PEX2: variants seen among roughly 807,000 people sequenced by gnomAD.
PEX2 encodes peroxisomal biogenesis factor 2, also known as peroxisome biogenesis factor 2.
PEX2 carries 19 observed loss-of-function variants against 25.2 expected under a neutral mutation model. The ratio of observed to expected loss-of-function variants is 0.75; its 90% CI spans 0.53 to 1.10. The LOEUF (loss-of-function observed/expected upper bound fraction) is 1.10, where lower values mean the gene tolerates loss of function less well. Ranked by LOEUF, PEX2 falls within the 50% of genes least tolerant of loss-of-function variation. The pLI is 0.00. For synonymous variants in PEX2, 141 were observed against 127.7 expected (o/e 1.10, Z -0.70); for missense variants, 347 against 350.6 (o/e 0.99, Z 0.08).
chr8:76,987,930 A>G (rs1160183123), intron 2 of PEX2: 5 of 152,240 alleles, frequency 3.3e-5, no homozygotes, highest in Admixed American at 6.5e-5. Context: ...GGAAAAGTTC[A>G]GTAGGCAGTT....
chr8:76,981,100 A>G lies in PEX2; in HGVS notation c.*2161T>C, dbSNP rs1184283686. On this transcript the variant is annotated 3_prime_UTR_variant, in exon 4 of 4. Transcript: ENST00000357039. ...TTGCATTATTCACAACAGAAAGTGAAAAGAACCTAAATGCTCTATGATGGT... is the reference window on the plus strand; with the variant it reads ...TTGCATTATTCACAACAGAAAGTGAGAAGAACCTAAATGCTCTATGATGGT... 1.3e-5 allele frequency: 2 copies of G among 152,262 alleles called. No homozygotes were observed. Among genetic ancestry groups the G allele is most frequent in the African/African-American group, 4.8e-5 (2 of 41,468 alleles). The allele number at this position is 152,262 out of a possible 1,614,324, so 9.4% of individuals were successfully genotyped here.
chr8:76,999,454 A>C (rs1807430136), intron 1 of PEX2, among the ~76,000 whole-genome samples: 1 of 152,256 alleles, frequency 6.6e-6, no homozygotes, highest in Non-Finnish European at 1.5e-5. Context: ...GTGAAATATA[A>C]CTAATTTATC....
chr8:76,999,956 G>C (rs1346901269), intron 1 of PEX2, 34 bp downstream of exon 1: 4 of 456,514 alleles, frequency 8.8e-6, no homozygotes, highest in Non-Finnish European at 1.8e-5. Flanking sequence ...AAGACCTCGG[G>C]TTTGCACTCC....
intron 1 of PEX2, among the ~76,000 whole-genome samples, chr8:76,999,212 A>G (rs1239523594): frequency 1.3e-5 from 2 of 152,152 alleles, no homozygotes; most frequent in South Asian, 2.1e-4. Flanking sequence ...GTATCATTTA[A>G]TTGTCCGAAA....
intron 1 of PEX2, among the ~76,000 whole-genome samples, chr8:76,990,022 C>A (rs1001716526): frequency 2.0e-5 from 3 of 152,214 alleles, no homozygotes; most frequent in African/African-American, 7.2e-5. Flanking sequence ...AATATATTGT[C>A]TAGCGTAGTC....
At chr8:76,997,912 G>A (rs1457852307) in intron 1 of PEX2, among the ~76,000 whole-genome samples, 1 of 152,170 alleles carries the variant, frequency 6.6e-6, no homozygotes, top group Non-Finnish European at 1.5e-5. Flanking sequence ...ATTACAGACA[G>A]GGCAAATGGA....
rs1451476359 is a variant in PEX2, at chr8:76,981,234, GC to G, written c.*2026del. The G allele has an allele frequency of 7.9e-5, 12 of 152,272 alleles. No homozygotes were observed. Among genetic ancestry groups the G allele is most frequent in the African/African-American group, 2.9e-4 (12 of 41,446 alleles). The allele number at this position is 152,272 out of a possible 1,614,324, so 9.4% of individuals were successfully genotyped here. On this transcript the variant is annotated 3_prime_UTR_variant, in exon 4 of 4. Transcript: ENST00000357039. ...GCCTGTAATCCCACAACTTTGGGAG[GC>G]CAGGGTAGGAGGACTGCTTGAGCCC... is the stretch of plus-strand genomic sequence containing the variant.
chr8:76,995,516 G>C (rs2132059119), intron 1 of PEX2, among the ~76,000 whole-genome samples: 2 of 152,010 alleles, frequency 1.3e-5, no homozygotes, highest in East Asian at 3.9e-4. Flanking sequence ...TGCATTTAGG[G>C]AGAAGAGGAA....
At chr8:76,999,134 G>A (rs923807901) in intron 1 of PEX2, among the ~76,000 whole-genome samples, 1 of 152,082 alleles carries the variant, frequency 6.6e-6, no homozygotes, top group South Asian at 2.1e-4. Context: ...TTCTGTTCAG[G>A]ATTAAGTAAA....
Position 76,983,150 on chromosome 8 carries a change from G to C in PEX2, c.*111C>G. On this transcript the variant is annotated 3_prime_UTR_variant, in exon 4 of 4. Coordinates refer to ENST00000357039, the MANE Select transcript of PEX2 (RefSeq NM_000318.3). Reference sequence around the variant, plus strand: ...TCATGCCTGGAAAGGAGAAGACAGTGGCTAGGAGCACATTCCTTATAAAGG... The same window carrying C: ...TCATGCCTGGAAAGGAGAAGACAGTCGCTAGGAGCACATTCCTTATAAAGG... 1 of 1,584,280 alleles carries C rather than the reference G, an allele frequency of 6.3e-7. No individual in the cohort carries two copies. The highest frequency in any genetic ancestry group is 8.5e-7 in the Non-Finnish European group (1 of 1,172,098).
chr8:76,989,893 C>T (rs548293375), intron 1 of PEX2, among the ~76,000 whole-genome samples: 4 of 152,272 alleles, frequency 2.6e-5, no homozygotes, highest in African/African-American at 9.6e-5. Flanking sequence ...CTACATTAAC[C>T]CACAACAGGA....
At chr8:76,990,811 T>TA (rs1314532212) in intron 1 of PEX2, among the ~76,000 whole-genome samples, 1 of 151,730 alleles carries the variant, frequency 6.6e-6, no homozygotes, top group African/African-American at 2.4e-5. Context: ...AATATCATAA[T>TA]AAAAAAAAGT....
chr8:76,989,895 A>C (rs1014820776), intron 1 of PEX2, among the ~76,000 whole-genome samples: 1 of 152,218 alleles, frequency 6.6e-6, no homozygotes, highest in African/African-American at 2.4e-5. Context: ...ACATTAACCC[A>C]CAACAGGAGA....
At chr8:76,985,915 C>A (rs1806988764) in intron 3 of PEX2, among the ~76,000 whole-genome samples, 1 of 152,136 alleles carries the variant, frequency 6.6e-6, no homozygotes. Flanking sequence ...AGATGATAAA[C>A]ACAATTTATT....
rs752394595 is a variant in PEX2, at chr8:76,983,674, G to C, written c.505C>G (p.Arg169Gly). 1.2e-6 allele frequency: 2 copies of C among 1,614,098 alleles called. No individual in the cohort carries two copies. The highest frequency in any genetic ancestry group is 1.7e-6 in the Non-Finnish European group (2 of 1,179,996). ...AATACAGAATGAATACCTAGGAGAC[G>C]TTCTGTCAAAGTTGCAAACTTTCCC... ...QRGKFATLTERLLGIHSVFCK... is the reference protein window; with the variant it reads ...QRGKFATLTEGLLGIHSVFCK... Residue 169 changes from arginine to glycine, a missense_variant, in exon 4 of 4, where the codon CGT becomes GGT. Physicochemically the swap from Arg to Gly is moderately radical, Grantham distance 125. Coordinates refer to ENST00000357039, the MANE Select transcript of PEX2 (RefSeq NM_000318.3).
At chr8:76,988,231 T>C (rs1219969204) in intron 2 of PEX2, 76 bp downstream of exon 2, 2 of 152,274 alleles carry the variant, frequency 1.3e-5, no homozygotes, top group Admixed American at 1.3e-4. Context: ...ATCACAGTCC[T>C]GTGGTCTCTG....
intron 2 of PEX2, chr8:76,987,950 T>C (rs1280549660): frequency 2.0e-5 from 3 of 152,212 alleles, no homozygotes; most frequent in South Asian, 4.1e-4. Context: ...TATGTAAATA[T>C]GACAGAAAAA....
chr8:76,997,302 C>T (rs1363579947), intron 1 of PEX2, among the ~76,000 whole-genome samples: 2 of 152,188 alleles, frequency 1.3e-5, no homozygotes, highest in Non-Finnish European at 2.9e-5. Flanking sequence ...GTAATGCCAA[C>T]TCATTCATCT....
rs1030024946 is a variant in PEX2 at position 76,980,799 on chromosome 8, C to T, written c.*2462G>A. The T allele has an allele frequency of 3.9e-5, 6 of 152,198 alleles. No individual in the cohort carries two copies. Among genetic ancestry groups the T allele is most frequent in the Admixed American group, 1.3e-4 (2 of 15,282 alleles). 9.4% of individuals were successfully genotyped at this position (152,198 alleles called of 1,614,324 possible). ...AAGCACTACTATTATATTCTATTTA[C>T]TATGTGTCAGGCATTGTTTTAAGAG... On this transcript the variant is annotated 3_prime_UTR_variant, in exon 4 of 4. Coordinates refer to ENST00000357039, the MANE Select transcript of PEX2 (RefSeq NM_000318.3).
Sources: gnomAD v4.1 joint callset for allele counts (sites outside exome capture counted in the v4.1 genomes callset) on GRCh38, gnomAD v4.1.1 for gene constraint, MANE v1.5 for transcripts, NCBI Gene and HGNC (gene_info 2026-07-23, HGNC 2026-07-21) for gene names.